Variants in NEK10 observed in about 807,000 individuals in gnomAD.
The protein encoded by NEK10 is serine/threonine-protein kinase Nek10.
Under a neutral mutation model 159.8 loss-of-function variants are expected in NEK10, and 122 were observed. The observed-to-expected ratio is 0.76, with a 90% CI of 0.66 to 0.89. The LOEUF is 0.89. Ranked by LOEUF, NEK10 falls within the 40% of genes least tolerant of loss-of-function variation. The pLI, the probability that NEK10 is intolerant of heterozygous loss-of-function variation, is 0.00. For synonymous variants in NEK10, 466 were observed against 457.1 expected (o/e 1.02, Z -0.25); for missense variants, 1,342 against 1,323.1 (o/e 1.01, Z -0.22).
chr3:27,166,959 C>CAA (rs113489465), intron 29 of NEK10, among the ~76,000 whole-genome samples: 71 of 142,462 alleles, frequency 5.0e-4, no homozygotes, highest in African/African-American at 1.7e-3. Context: ...AATTCTGTCT[C>CAA]AAAAAAAAAA....
chr3:27,278,807 A>G, intron 22 of NEK10: 1 of 985,442 alleles, frequency 1.0e-6, no homozygotes, highest in Non-Finnish European at 1.2e-6. Context: ...CAGTTTTACC[A>G]AATTCCCTCA....
At chr3:27,121,356 T>A (rs1941276107) in intron 32 of NEK10, among the ~76,000 whole-genome samples, 1 of 152,142 alleles carries the variant, frequency 6.6e-6, no homozygotes. Flanking sequence ...TCTTAGAAAT[T>A]TTCATCATCG....
chr3:27,330,244 A>G (rs899671192), intron 5 of NEK10, among the ~76,000 whole-genome samples: 3 of 152,192 alleles, frequency 2.0e-5, no homozygotes, highest in Non-Finnish European at 4.4e-5. Flanking sequence ...ATTTGCTCCA[A>G]GTTAGGTGAT....
chr3:27,239,217 A>T (rs2149251279), intron 23 of NEK10, among the ~76,000 whole-genome samples: 1 of 152,336 alleles, frequency 6.6e-6, no homozygotes, highest in East Asian at 1.9e-4. Flanking sequence ...TAAAATAACT[A>T]AGAATGTTAA....
intron 23 of NEK10, among the ~76,000 whole-genome samples, chr3:27,242,247 G>A (rs917907392): frequency 6.6e-6 from 1 of 152,160 alleles, no homozygotes; most frequent in Non-Finnish European, 1.5e-5. Context: ...CCTAAAGAAT[G>A]AGGCTGTTGC....
At chr3:27,250,644 C>CT in intron 23 of NEK10, among the ~76,000 whole-genome samples, 1 of 152,122 alleles carries the variant, frequency 6.6e-6, no homozygotes, top group African/African-American at 2.4e-5. Context: ...CTGGGAAAGT[C>CT]TTTATTTCTC....
chr3:27,321,924 A>T (rs915029044), intron 6 of NEK10, among the ~76,000 whole-genome samples: 4 of 152,212 alleles, frequency 2.6e-5, no homozygotes, highest in Non-Finnish European at 4.4e-5. Context: ...AGCAAAGAAA[A>T]CATAGACCAA....
intron 22 of NEK10, among the ~76,000 whole-genome samples, chr3:27,275,247 A>C (rs1279262962): frequency 6.6e-6 from 1 of 152,160 alleles, no homozygotes; most frequent in Non-Finnish European, 1.5e-5. Context: ...AAAAATATAG[A>C]ATCTGAGAAA....
At position 27,108,608 on chromosome 3, in the gene NEK10, AT is replaced by A. The variant is rs1170886298; in HGVS notation, c.*2663del. Among the ~76,000 whole-genome samples the A allele has an allele frequency of 6.6e-6, 1 of 152,212 alleles. No homozygotes were observed. Among genetic ancestry groups the A allele is most frequent in the Non-Finnish European group, 1.5e-5 (1 of 68,038 alleles). ...ACGGAAATTAGGTGCATTCATAGGA[AT>A]TTCATTGCACAACAAATCATTAAAA... On this transcript the variant is annotated 3_prime_UTR_variant, in exon 36 of 36. Transcript: ENST00000691995.
chr3:27,245,778 T>A (rs1206897851), intron 23 of NEK10, among the ~76,000 whole-genome samples: 1 of 152,218 alleles, frequency 6.6e-6, no homozygotes, highest in African/African-American at 2.4e-5. Flanking sequence ...TAAATTAATT[T>A]GTGGTAAATA....
At chr3:27,135,543 T>C (rs1559498581) in intron 31 of NEK10, among the ~76,000 whole-genome samples, 2 of 152,224 alleles carry the variant, frequency 1.3e-5, no homozygotes, top group Admixed American at 6.5e-5. Flanking sequence ...TGGAAGAATA[T>C]ATGGATTCTT....
chr3:27,125,802 A>C (rs937233751), intron 32 of NEK10, among the ~76,000 whole-genome samples: 1 of 152,122 alleles, frequency 6.6e-6, no homozygotes, highest in Non-Finnish European at 1.5e-5. Flanking sequence ...TGGTGTTTAC[A>C]TTTCCAGCAA....
rs548439847 is a variant in NEK10, at chr3:27,183,081, A to T, written c.2506-8248T>A. On this transcript the variant is annotated intron_variant, in intron 26 of 35. Coordinates refer to ENST00000691995, the MANE Select transcript of NEK10 (RefSeq NM_001394966.1). ...AAATAACTAAATGAATGCAATTGGA[A>T]TGTTTCTAACACAAACAAATGATAA... Among the ~76,000 whole-genome samples, 505 of 152,186 alleles carry T rather than the reference A, an allele frequency of 3.3e-3. 1 individual carries two copies. Among genetic ancestry groups the T allele is most frequent in the Non-Finnish European group, 5.8e-3 (393 of 67,906 alleles).
rs561495555 is a variant in NEK10, at chr3:27,204,822, C to A, written c.2091-2265G>T. ...TGATTTATAGTCATTTGGGTATATA[C>A]CCAGTAATGGGATGGCTGGGTCAAA... On this transcript the variant is annotated intron_variant, in intron 23 of 35. Transcript: ENST00000691995. Among the ~76,000 whole-genome samples the A allele has an allele frequency of 4.2e-3, 597 of 142,462 alleles. 5 individuals are homozygous for A. Among genetic ancestry groups the A allele is most frequent in the African/African-American group, 0.014 (570 of 39,354 alleles). 93.5% of individuals were successfully genotyped at this position (142,462 alleles called of 152,430 possible).
chr3:27,237,992 T>C (rs915630962), intron 23 of NEK10, among the ~76,000 whole-genome samples: 13 of 152,310 alleles, frequency 8.5e-5, no homozygotes, highest in African/African-American at 4.8e-5. Flanking sequence ...GTAAATACTA[T>C]AGCCAATAAC....
intron 22 of NEK10, among the ~76,000 whole-genome samples, chr3:27,266,633 A>G (rs974032396): frequency 2.0e-5 from 3 of 152,192 alleles, no homozygotes; most frequent in African/African-American, 7.2e-5. Context: ...TTCTTGTGCT[A>G]GCTGTCAACT....
At chr3:27,309,815 C>T (rs777877534) in intron 9 of NEK10, 12 of 152,250 alleles carry the variant, frequency 7.9e-5, no homozygotes, top group African/African-American at 1.7e-4. Flanking sequence ...TGAATACTAT[C>T]GAGCATTCCA....
At chr3:27,306,773 T>C (rs1022301491) in intron 11 of NEK10, among the ~76,000 whole-genome samples, 2 of 152,212 alleles carry the variant, frequency 1.3e-5, no homozygotes, top group African/African-American at 4.8e-5. Flanking sequence ...TAGAAAACAC[T>C]GATCAAAGTT....
chr3:27,241,004 T>G (rs1954498980), intron 23 of NEK10, among the ~76,000 whole-genome samples: 1 of 152,086 alleles, frequency 6.6e-6, no homozygotes, highest in Admixed American at 6.6e-5. Flanking sequence ...GGTATTGCTA[T>G]TTTGTTTGCA....
Sources: allele counts gnomAD v4.1 joint callset (sites outside exome capture counted in the v4.1 genomes callset), GRCh38; gene constraint gnomAD v4.1.1; transcripts MANE v1.5; gene names NCBI Gene and HGNC (gene_info 2026-07-23, HGNC 2026-07-21).